Variants in UBR3 observed in about 807,000 individuals in gnomAD.
UBR3 encodes E3 ubiquitin-protein ligase UBR3.
Under a neutral mutation model 243.2 loss-of-function variants are expected in UBR3, and 85 were observed. The ratio of observed to expected loss-of-function variants is 0.35; its 90% CI spans 0.29 to 0.42. The LOEUF is 0.42. Ranked by LOEUF, UBR3 falls within the 10% of genes least tolerant of loss-of-function variation. The pLI is 1.00. For synonymous variants in UBR3, 748 were observed against 799.8 expected (o/e 0.94, Z 1.09); for missense variants, 1,686 against 2,300.8 (o/e 0.73, Z 5.47).
At chr2:169,939,415 C>T (rs1256859804) in intron 19 of UBR3, among the ~76,000 whole-genome samples, 3 of 138,602 alleles carry the variant, frequency 2.2e-5, no homozygotes, top group South Asian at 2.5e-4. Context: ...CCTGCCACCA[C>T]GCCCGGCTAA....
chr2:169,988,447 A>C (rs2089127229), intron 25 of UBR3, among the ~76,000 whole-genome samples: 2 of 152,210 alleles, frequency 1.3e-5, no homozygotes, highest in Admixed American at 1.3e-4. Flanking sequence ...TAGACCAATA[A>C]ATATTAAACA....
At chr2:169,947,784 G>A (rs2086844248) in intron 22 of UBR3, 69 bp downstream of exon 22, 27 of 1,266,960 alleles carry the variant, frequency 2.1e-5, no homozygotes, top group Non-Finnish European at 2.7e-5. Context: ...GGGATATACT[G>A]TTCCTATAAT....
intron 20 of UBR3, among the ~76,000 whole-genome samples, chr2:169,943,264 G>A (rs1033442331): frequency 2.6e-5 from 4 of 152,136 alleles, no homozygotes; most frequent in Non-Finnish European, 5.9e-5. Context: ...TGTATAGTAT[G>A]TATGTGTGTA....
intron 31 of UBR3, among the ~76,000 whole-genome samples, chr2:170,036,878 T>A (rs1574431247): frequency 1.3e-5 from 2 of 152,154 alleles, no homozygotes; most frequent in African/African-American, 4.8e-5. Context: ...TATTTCTTAT[T>A]TTTTCCTATT....
intron 28 of UBR3, 81 bp from the exon 29 acceptor site, chr2:170,008,723 A>G (rs1194086178): frequency 1.4e-6 from 1 of 696,128 alleles, no homozygotes; most frequent in African/African-American, 1.8e-5. Context: ...TACTATGTTC[A>G]TATAATAAAC....
rs1318658466 is a variant in UBR3, at chr2:169,946,431, G to T, written c.2910+39G>T. ...ATAATTTAAAATTTTTAGATAGGCAGCCCCTATCTGGCTCCAACCAATTGT... is the reference window on the plus strand; with the variant it reads ...ATAATTTAAAATTTTTAGATAGGCATCCCCTATCTGGCTCCAACCAATTGT... On this transcript the variant is annotated intron_variant, in intron 21 of 38. Transcript: ENST00000272793. 4.3e-6 allele frequency: 5 copies of T among 1,172,548 alleles called. No homozygotes were observed. The South Asian group carries it at 8.2e-5, about 19-fold the overall frequency. 72.6% of individuals were successfully genotyped at this position (1,172,548 alleles called of 1,614,324 possible).
intron 1 of UBR3, among the ~76,000 whole-genome samples, chr2:169,862,063 G>A (rs1012030432): frequency 6.6e-6 from 1 of 151,874 alleles, no homozygotes; most frequent in African/African-American, 2.4e-5. Flanking sequence ...TTCATGTACC[G>A]TTACCATATT....
chr2:169,915,954 A>G (rs184746694), intron 11 of UBR3, among the ~76,000 whole-genome samples: 83 of 152,208 alleles, frequency 5.5e-4, no homozygotes, highest in Admixed American at 5.2e-3. Flanking sequence ...TTTTTTGAGA[A>G]CTTCCATGTT....
At chr2:169,876,125 C>G (rs1355563594) in intron 3 of UBR3, among the ~76,000 whole-genome samples, 176 bp downstream of exon 3, 1 of 150,890 alleles carries the variant, frequency 6.6e-6, no homozygotes, top group Admixed American at 6.6e-5. Context: ...GCTCTGTCGC[C>G]CAGGCTGGAG....
At position 169,907,123 on chromosome 2, in the gene UBR3, A is replaced by G. The variant is rs2085046134; in HGVS notation, c.1779+959A>G. 2.1e-5 allele frequency among the ~76,000 whole-genome samples: 3 copies of G among 143,196 alleles called. No homozygotes were observed. In the Admixed American group the frequency reaches 2.2e-4, roughly 11 times the overall value. The allele number at this position is 143,196 out of a possible 152,430, so 93.9% of individuals were successfully genotyped here. A position where few individuals can be genotyped will look rare whatever the true frequency, so the allele number is the denominator to read the frequency against. On this transcript the variant is annotated intron_variant, in intron 10 of 38. Coordinates refer to ENST00000272793, the MANE Select transcript of UBR3 (RefSeq NM_172070.4). The stretch of plus-strand genomic sequence containing the variant: ...ACCATCTCAGCTTACTGCAACCTCC[A>G]TCTCCCAGGTTTAAGCAATTCTCCT...
At chr2:170,018,401 TATAGC>T (rs2090304799) in intron 30 of UBR3, among the ~76,000 whole-genome samples, 1 of 152,160 alleles carries the variant, frequency 6.6e-6, no homozygotes, top group Non-Finnish European at 1.5e-5. Flanking sequence ...AGTTCTCACA[TATAGC>T]ATAGCTGCCG....
chr2:169,919,630 C>A (rs1377503366), intron 11 of UBR3, among the ~76,000 whole-genome samples: 3 of 152,226 alleles, frequency 2.0e-5, no homozygotes, highest in African/African-American at 7.2e-5. Context: ...GCAAACAACC[C>A]CATCAAAAAG....
At chr2:170,065,357 G>A (rs573066832) in intron 35 of UBR3, among the ~76,000 whole-genome samples, 1 of 152,076 alleles carries the variant, frequency 6.6e-6, no homozygotes, top group African/African-American at 2.4e-5. Context: ...CACGATCTCA[G>A]CTCACTTCAA....
At chr2:169,892,853 C>T (rs948034933) in intron 6 of UBR3, among the ~76,000 whole-genome samples, 2 of 152,158 alleles carry the variant, frequency 1.3e-5, no homozygotes, top group African/African-American at 4.8e-5. Context: ...AAACTGAGGC[C>T]TTGAGGGCTT....
intron 2 of UBR3, among the ~76,000 whole-genome samples, chr2:169,873,104 C>T (rs1180526581): frequency 5.9e-5 from 9 of 151,886 alleles, no homozygotes; most frequent in African/African-American, 2.2e-4. Flanking sequence ...AATTTCTGTT[C>T]TATAAGAGAT....
chr2:169,915,784 T>A (rs1206924949), intron 11 of UBR3, among the ~76,000 whole-genome samples: 1 of 152,208 alleles, frequency 6.6e-6, no homozygotes, highest in East Asian at 1.9e-4. Flanking sequence ...TATTTTGTGA[T>A]CCAGTTTTCA....
intron 4 of UBR3, among the ~76,000 whole-genome samples, chr2:169,878,028 A>G (rs2083679133): frequency 6.6e-6 from 1 of 152,192 alleles, no homozygotes; most frequent in Admixed American, 6.5e-5. Flanking sequence ...GAGAATTCCT[A>G]TTGAAGTATC....
chr2:169,925,792 T>C (rs2085888116), intron 14 of UBR3, 45 bp downstream of exon 14: 2 of 1,468,156 alleles, frequency 1.4e-6, no homozygotes, highest in Non-Finnish European at 1.8e-6. Context: ...AGTGTCTCAT[T>C]TGTACCCAAG....
chr2:169,939,509 C>G (rs981338608), intron 19 of UBR3, among the ~76,000 whole-genome samples: 1 of 151,688 alleles, frequency 6.6e-6, no homozygotes, highest in African/African-American at 2.4e-5. Context: ...CCTCGTGATC[C>G]GCCCACCTCA....
Sources: allele counts gnomAD v4.1 joint callset (sites outside exome capture counted in the v4.1 genomes callset), GRCh38; gene constraint gnomAD v4.1.1; transcripts MANE v1.5; gene names NCBI Gene and HGNC (gene_info 2026-07-23, HGNC 2026-07-21).